The following NEGR1 variants were observed in gnomAD, a reference collection of about 807,000 sequenced individuals.
The protein encoded by NEGR1 is neuronal growth regulator 1.
In NEGR1, 10 loss-of-function variants were observed where a neutral mutation model predicts 40.9. That is an observed-to-expected ratio of 0.24 (90% CI 0.15 to 0.42). The LOEUF is 0.42. Among genes scored for constraint, NEGR1 ranks in the 10% least tolerant of loss-of-function variants. NEGR1 has a pLI of 1.00. For missense variants in NEGR1, 352 were observed against 438.9 expected (o/e 0.80, Z 1.77); for synonymous variants, 185 against 166.8 (o/e 1.11, Z -0.84).
intron 2 of NEGR1, among the ~76,000 whole-genome samples, chr1:71,783,173 A>G (rs12059172): frequency 6.8e-4 from 104 of 152,260 alleles, no homozygotes; most frequent in African/African-American, 2.4e-3. Flanking sequence ...AGCTAGACGT[A>G]ACTATAAATC....
intron 2 of NEGR1, among the ~76,000 whole-genome samples, chr1:71,785,438 T>C (rs1656876064): frequency 1.3e-5 from 2 of 150,316 alleles, no homozygotes; most frequent in South Asian, 4.2e-4. Context: ...GAATTAATAA[T>C]GAGGTTTTTT....
intron 4 of NEGR1, among the ~76,000 whole-genome samples, chr1:71,673,815 C>T (rs1335005): frequency 0.31 from 47,099 of 151,400 alleles, 8,936 homozygotes; most frequent in East Asian, 0.47. Flanking sequence ...TTTTTACTAA[C>T]GAATAAATAT....
intron 1 of NEGR1, among the ~76,000 whole-genome samples, chr1:72,253,832 C>T (rs995478132): frequency 3.9e-5 from 6 of 152,084 alleles, no homozygotes; most frequent in African/African-American, 1.4e-4. Context: ...TTTCAAGGAA[C>T]TGAAATTGGA....
At chr1:71,919,892 T>C (rs1003182114) in intron 2 of NEGR1, among the ~76,000 whole-genome samples, 1 of 152,182 alleles carries the variant, frequency 6.6e-6, no homozygotes, top group Non-Finnish European at 1.5e-5. Context: ...ATGGATAACT[T>C]TGAACTTTCC....
intron 1 of NEGR1, among the ~76,000 whole-genome samples, chr1:72,211,982 TTAATATAAAATATGTAAG>T (rs2100464561): frequency 6.6e-6 from 1 of 152,102 alleles, no homozygotes; most frequent in African/African-American, 2.4e-5. Context: ...GAAAATGTTT[TTAATATAAAATATGTAAG>T]TGTAGAATAC....
chr1:71,417,745 C>T (rs1169191589), intron 6 of NEGR1, among the ~76,000 whole-genome samples: 1 of 152,092 alleles, frequency 6.6e-6, no homozygotes, highest in Non-Finnish European at 1.5e-5. Context: ...AATTAGACAA[C>T]TAAGTGAAGT....
intron 1 of NEGR1, among the ~76,000 whole-genome samples, chr1:72,209,309 A>T (rs1653515554): frequency 6.6e-6 from 1 of 151,696 alleles, no homozygotes; most frequent in Admixed American, 6.6e-5. Context: ...TCTCCCAAAT[A>T]TTTATCATAT....
intron 1 of NEGR1, among the ~76,000 whole-genome samples, chr1:72,238,038 T>C (rs1557592543): frequency 6.6e-6 from 1 of 151,950 alleles, no homozygotes; most frequent in Non-Finnish European, 1.5e-5. Flanking sequence ...TCATTTCTTG[T>C]CTTACTACAT....
chr1:71,741,347 T>A (rs899762903), intron 3 of NEGR1, among the ~76,000 whole-genome samples: 1 of 152,230 alleles, frequency 6.6e-6, no homozygotes, highest in Non-Finnish European at 1.5e-5. Flanking sequence ...ATATCACAAC[T>A]GTATCTGCCA....
intron 2 of NEGR1, among the ~76,000 whole-genome samples, chr1:71,848,002 C>T (rs1041452991): frequency 6.6e-6 from 1 of 152,142 alleles, no homozygotes; most frequent in Non-Finnish European, 1.5e-5. Context: ...AGCCTTATTG[C>T]TGATATGGAG....
chr1:72,032,992 T>G (rs575622418), intron 1 of NEGR1, among the ~76,000 whole-genome samples: 1 of 152,248 alleles, frequency 6.6e-6, no homozygotes, highest in East Asian at 1.9e-4. Flanking sequence ...ATTATTACTA[T>G]TTATGAAGCA....
intron 2 of NEGR1, among the ~76,000 whole-genome samples, chr1:71,832,174 C>A (rs1658865418): frequency 6.6e-6 from 1 of 151,800 alleles, no homozygotes; most frequent in Admixed American, 6.6e-5. Context: ...AATGACAGGA[C>A]TCAATGACAG....
chr1:72,202,842 G>A (rs1252295717), intron 1 of NEGR1, among the ~76,000 whole-genome samples: 1 of 151,966 alleles, frequency 6.6e-6, no homozygotes, highest in Non-Finnish European at 1.5e-5. Context: ...AAATTTTAGA[G>A]CCTTTAAGAA....
chr1:72,079,972 T>G (rs1647920851), intron 1 of NEGR1, among the ~76,000 whole-genome samples: 1 of 152,120 alleles, frequency 6.6e-6, no homozygotes, highest in Non-Finnish European at 1.5e-5. Flanking sequence ...TAACTCTCAG[T>G]AATTGCTAAG....
chr1:72,263,799 A>G (rs925342031), intron 1 of NEGR1, among the ~76,000 whole-genome samples: 3 of 151,544 alleles, frequency 2.0e-5, no homozygotes, highest in Non-Finnish European at 4.4e-5. Context: ...AGTGATAAAC[A>G]AACAAAAAAA....
At chr1:71,721,082 A>G (rs1654495123) in intron 3 of NEGR1, among the ~76,000 whole-genome samples, 1 of 152,210 alleles carries the variant, frequency 6.6e-6, no homozygotes, top group East Asian at 1.9e-4. Flanking sequence ...TTTCAACACA[A>G]GTCATTGACC....
intron 6 of NEGR1, among the ~76,000 whole-genome samples, chr1:71,546,596 C>T (rs1647902627): frequency 6.6e-6 from 1 of 151,562 alleles, no homozygotes; most frequent in Non-Finnish European, 1.5e-5. Context: ...TTCACAACAA[C>T]TCAGAGAAGT....
chr1:71,577,235 T>C (rs1462244477), intron 6 of NEGR1, among the ~76,000 whole-genome samples: 1 of 152,224 alleles, frequency 6.6e-6, no homozygotes, highest in East Asian at 1.9e-4. Context: ...GCACTTTGGT[T>C]GAATAGAATT....
At chr1:71,636,721 T>C (rs1651164818) in intron 4 of NEGR1, among the ~76,000 whole-genome samples, 1 of 152,092 alleles carries the variant, frequency 6.6e-6, no homozygotes, top group Non-Finnish European at 1.5e-5. Context: ...TGTTTGCCAT[T>C]TTTTAATTTG....
Sources: gnomAD v4.1 joint callset for allele counts (sites outside exome capture counted in the v4.1 genomes callset) on GRCh38, gnomAD v4.1.1 for gene constraint, MANE v1.5 for transcripts, NCBI Gene and HGNC (gene_info 2026-07-23, HGNC 2026-07-21) for gene names.